CENPP: variants seen among roughly 807,000 people sequenced by gnomAD.
The protein encoded by CENPP is centromere protein P.
A neutral mutation model predicts 35.6 loss-of-function variants in CENPP; 24 were observed. The ratio of observed to expected loss-of-function variants is 0.67; its 90% CI spans 0.49 to 0.95. The LOEUF is 0.95. Ranked by LOEUF, CENPP falls within the 40% of genes least tolerant of loss-of-function variation. CENPP has a pLI of 0.00. For synonymous variants in CENPP, 120 were observed against 125.5 expected (o/e 0.96, Z 0.29); for missense variants, 332 against 345.3 (o/e 0.96, Z 0.31).
intron 5 of CENPP, among the ~76,000 whole-genome samples, chr9:92,425,460 G>A (rs1467435044): frequency 6.6e-6 from 1 of 152,078 alleles, no homozygotes; most frequent in African/African-American, 2.4e-5. Flanking sequence ...TGTTTTTAAT[G>A]TTTAATTTTT....
chr9:92,604,303 T>G (rs1203850636), intron 5 of CENPP, among the ~76,000 whole-genome samples: 1 of 152,222 alleles, frequency 6.6e-6, no homozygotes, highest in Non-Finnish European at 1.5e-5. Flanking sequence ...GATGTATCTT[T>G]TGCACATTTA....
chr9:92,592,311 C>T (rs1191250246), intron 5 of CENPP, among the ~76,000 whole-genome samples: 35 of 152,102 alleles, frequency 2.3e-4, no homozygotes, highest in Admixed American at 2.3e-3. Flanking sequence ...ATTCTCCAGC[C>T]CAGGGCGAGC....
At chr9:92,338,751 T>C (rs1841013497) in intron 3 of CENPP, among the ~76,000 whole-genome samples, 1 of 152,092 alleles carries the variant, frequency 6.6e-6, no homozygotes, top group Non-Finnish European at 1.5e-5. Context: ...CTCAGTTGGG[T>C]GTCCTTGCTC....
chr9:92,392,001 G>A (rs1842707008), intron 5 of CENPP, among the ~76,000 whole-genome samples: 1 of 152,012 alleles, frequency 6.6e-6, no homozygotes, highest in African/African-American at 2.4e-5. Context: ...AGCGGGGCTA[G>A]TATGCATTTC....
chr9:92,393,714 C>T (rs1842780058), intron 5 of CENPP, among the ~76,000 whole-genome samples: 1 of 152,144 alleles, frequency 6.6e-6, no homozygotes, highest in South Asian at 2.1e-4. Flanking sequence ...ATTACATTTA[C>T]TTGTCATACC....
chr9:92,589,546 C>T (rs1308921210), intron 5 of CENPP, among the ~76,000 whole-genome samples: 1 of 152,104 alleles, frequency 6.6e-6, no homozygotes, highest in African/African-American at 2.4e-5. Context: ...CTTCCCAGAA[C>T]AGCATTCCCA....
intron 5 of CENPP, among the ~76,000 whole-genome samples, chr9:92,542,430 G>T (rs1357682844): frequency 6.6e-6 from 1 of 151,254 alleles, no homozygotes; most frequent in African/African-American, 2.4e-5. Flanking sequence ...TTTGTTGCCT[G>T]TGCTTTTGGA....
chr9:92,619,388 T>C lies in CENPP; in HGVS notation c.*6239T>C, dbSNP rs935050530. ...AGTTATGTCACTCCGCCATGGAGTC[T>C]CTAAATATGGGGAAACCAACTATCC... On this transcript the variant is annotated 3_prime_UTR_variant, in exon 8 of 8. Transcript: ENST00000375587. 30 of 983,556 alleles carry C rather than the reference T, an allele frequency of 3.1e-5. No individual in the cohort carries two copies. The highest frequency in any genetic ancestry group is 4.7e-5 in the Non-Finnish European group (30 of 636,972). 60.9% of individuals were successfully genotyped at this position (983,556 alleles called of 1,614,324 possible). A position where few individuals can be genotyped will look rare whatever the true frequency, so the allele number is the denominator to read the frequency against.
intron 5 of CENPP, among the ~76,000 whole-genome samples, chr9:92,442,829 A>G (rs181324774): frequency 5.6e-4 from 85 of 151,692 alleles, no homozygotes; most frequent in Non-Finnish European, 8.4e-4. Context: ...AGCCTAGGTG[A>G]CGGTGCAAGA....
At chr9:92,337,660 G>A in intron 3 of CENPP, 31 bp downstream of exon 3, 1 of 1,284,480 alleles carries the variant, frequency 7.8e-7, no homozygotes, top group Non-Finnish European at 1.1e-6. Flanking sequence ...TGATAACAGA[G>A]ATACTTCTGC....
chr9:92,599,330 G>A (rs560525579), intron 5 of CENPP, among the ~76,000 whole-genome samples: 3 of 152,264 alleles, frequency 2.0e-5, no homozygotes, highest in African/African-American at 4.8e-5. Flanking sequence ...AGACCTCCCC[G>A]TCCGACACCA....
chr9:92,331,931 G>A (rs1368510344), intron 1 of CENPP, among the ~76,000 whole-genome samples: 1 of 152,132 alleles, frequency 6.6e-6, no homozygotes, highest in Non-Finnish European at 1.5e-5. Flanking sequence ...CTGGGTGACA[G>A]CGTAAGACCC....
chr9:92,510,199 T>C (rs1002065913), intron 5 of CENPP, among the ~76,000 whole-genome samples: 3 of 152,208 alleles, frequency 2.0e-5, no homozygotes, highest in Non-Finnish European at 4.4e-5. Context: ...GCCAGGTTGA[T>C]ATTGATCCTG....
chr9:92,567,373 G>GATATATATATATATAT lies in CENPP; in HGVS notation c.565-43933_565-43918dup. On this transcript the variant is annotated intron_variant, in intron 5 of 7. Transcript: ENST00000375587. ...ATGGGGTATACAGTTACATAAGATAGATATATATATATATATATATATAGA... is the reference window on the plus strand; with the variant it reads ...ATGGGGTATACAGTTACATAAGATAGATATATATATATATATATATATATATATATATATATATAGA... Among the ~76,000 whole-genome samples the GATATATATATATATAT allele has an allele frequency of 8.4e-4, 109 of 129,018 alleles. 1 individual carries two copies. The highest frequency in any genetic ancestry group is 4.2e-3 in the South Asian group (15 of 3,602). The allele number at this position is 129,018 out of a possible 152,430, so 84.6% of individuals were successfully genotyped here.
At chr9:92,368,608 C>T (rs1490728809) in intron 4 of CENPP, among the ~76,000 whole-genome samples, 1 of 152,120 alleles carries the variant, frequency 6.6e-6, no homozygotes, top group Non-Finnish European at 1.5e-5. Flanking sequence ...TTTTGAGTGA[C>T]CAAATATGGA....
chr9:92,467,467 G>T (rs1481404090), intron 5 of CENPP, among the ~76,000 whole-genome samples: 1 of 152,196 alleles, frequency 6.6e-6, no homozygotes, highest in Non-Finnish European at 1.5e-5. Context: ...TGTTCAAAGA[G>T]AATTTCTGTG....
chr9:92,474,032 G>C (rs12343820), intron 5 of CENPP, among the ~76,000 whole-genome samples: 61,731 of 152,084 alleles, frequency 0.41, 14,670 homozygotes, highest in African/African-American at 0.66. Context: ...ATTAAGTCCC[G>C]TCCTTGAACG....
chr9:92,427,669 G>A (rs766307432), intron 5 of CENPP, among the ~76,000 whole-genome samples: 1 of 146,312 alleles, frequency 6.8e-6, no homozygotes, highest in African/African-American at 2.5e-5. Flanking sequence ...CAGTAGAGTC[G>A]GGGGTTTTCC....
At position 92,618,598 on chromosome 9, in the gene CENPP, A is replaced by C. The variant is rs747826823; in HGVS notation, c.*5449A>C. 7 of 456,334 alleles carry C rather than the reference A, an allele frequency of 1.5e-5. No homozygotes were observed. Among genetic ancestry groups the C allele is most frequent in the Non-Finnish European group, 3.1e-5 (7 of 226,730 alleles). The allele number at this position is 456,334 out of a possible 1,614,324, so 28.3% of individuals were successfully genotyped here. A position where few individuals can be genotyped will look rare whatever the true frequency, so the allele number is the denominator to read the frequency against. ...GAACACCACCAGCTTAATCCAGTTA[A>C]GGAATTCCTCATAACTTAGCCCTGT... On this transcript the variant is annotated 3_prime_UTR_variant, in exon 8 of 8. Transcript: ENST00000375587.
Sources: gnomAD v4.1 joint callset for allele counts (sites outside exome capture counted in the v4.1 genomes callset) on GRCh38, gnomAD v4.1.1 for gene constraint, MANE v1.5 for transcripts, NCBI Gene and HGNC (gene_info 2026-07-23, HGNC 2026-07-21) for gene names.